The following ATP8A2 variants were observed in gnomAD, a reference collection of about 807,000 sequenced individuals.
ATP8A2 encodes phospholipid-transporting ATPase IB.
Under a neutral mutation model 165.6 loss-of-function variants are expected in ATP8A2, and 100 were observed. The ratio of observed to expected loss-of-function variants is 0.60; its 90% confidence interval spans 0.51 to 0.71. The LOEUF is 0.71. Among genes scored for constraint, ATP8A2 ranks in the 30% least tolerant of loss-of-function variants. ATP8A2 has a pLI of 0.00. For missense variants in ATP8A2, 1,227 were observed against 1,479.5 expected (o/e 0.83, Z 2.80); for synonymous variants, 543 against 548.8 (o/e 0.99, Z 0.15).
Position 25,768,994 on chromosome 13 carries a change from G to C in ATP8A2, c.2385-52G>C, listed in dbSNP as rs115867001. ...ATGCAGCGGAATGTAGATTACAGCT[G>C]TTTCCTCTGGAAAGACATGCATAGC... On this transcript the variant is annotated intron_variant, in intron 25 of 36. Coordinates refer to ENST00000381655, the MANE Select transcript of ATP8A2 (RefSeq NM_016529.6). The C allele has an allele frequency of 9.4e-4, 1,455 of 1,548,390 alleles. 15 individuals carry two copies. In the African/African-American group the frequency reaches 0.017, roughly 18 times the overall value.
intron 13 of ATP8A2, among the ~76,000 whole-genome samples, chr13:25,557,846 A>G (rs2039025870): frequency 6.6e-6 from 1 of 152,218 alleles, no homozygotes; most frequent in African/African-American, 2.4e-5. Flanking sequence ...ATAAGTTAAA[A>G]TTTAGTAGGC....
intron 10 of ATP8A2, among the ~76,000 whole-genome samples, chr13:25,545,037 C>T (rs1367823511): frequency 1.3e-5 from 2 of 151,556 alleles, no homozygotes; most frequent in Non-Finnish European, 2.9e-5. Flanking sequence ...ACTGGCGCAC[C>T]GTCTGCTTGG....
At chr13:25,602,959 C>T (rs1307312073) in intron 24 of ATP8A2, among the ~76,000 whole-genome samples, 1 of 152,056 alleles carries the variant, frequency 6.6e-6, no homozygotes, top group Non-Finnish European at 1.5e-5. Context: ...GTAGTCCCAA[C>T]TACTTGGGAG....
intron 2 of ATP8A2, among the ~76,000 whole-genome samples, chr13:25,519,813 T>C (rs1017308160): frequency 6.6e-6 from 1 of 152,160 alleles, no homozygotes. Context: ...GTGAATAAAC[T>C]ATCCTGTTGG....
chr13:25,918,752 C>A (rs1954343317), intron 33 of ATP8A2, among the ~76,000 whole-genome samples: 1 of 152,148 alleles, frequency 6.6e-6, no homozygotes. Context: ...CACTTGTCTC[C>A]CATCCCTCCC....
intron 25 of ATP8A2, among the ~76,000 whole-genome samples, chr13:25,762,700 CT>C (rs1470722138): frequency 6.6e-6 from 1 of 151,990 alleles, no homozygotes; most frequent in African/African-American, 2.4e-5. Context: ...CTGTACAAAT[CT>C]TAAATTAGAC....
At chr13:25,619,558 A>G (rs918221437) in intron 24 of ATP8A2, among the ~76,000 whole-genome samples, 1 of 152,230 alleles carries the variant, frequency 6.6e-6, no homozygotes, top group Admixed American at 6.5e-5. Context: ...CCCTAGGGAT[A>G]TCTGTGGAGA....
rs377366730 is a variant in ATP8A2, at chr13:25,706,771, G to A, written c.2384+7426G>A. ...TTCCAGAGAGCATTATTAACTTGTC[G>A]AGGCTGTAAGTCTATCCTTGGGCTG... On this transcript the variant is annotated intron_variant, in intron 25 of 36. Coordinates refer to ENST00000381655, the MANE Select transcript of ATP8A2 (RefSeq NM_016529.6). Among the ~76,000 whole-genome samples the A allele has an allele frequency of 2.3e-4, 35 of 152,160 alleles. No homozygotes were observed. In the South Asian group the frequency reaches 6.6e-3, roughly 29 times the overall value.
chr13:25,554,007 C>A (rs2038902718), intron 12 of ATP8A2, 87 bp downstream of exon 12: 1 of 1,394,822 alleles, frequency 7.2e-7, no homozygotes, highest in Non-Finnish European at 9.9e-7. Flanking sequence ...AAAAGAAGAA[C>A]TATATTCATT....
chr13:25,994,209 CTT>C (rs1477172995), intron 35 of ATP8A2, among the ~76,000 whole-genome samples: 1 of 151,902 alleles, frequency 6.6e-6, no homozygotes, highest in East Asian at 1.9e-4. Context: ...GATGAACTGA[CTT>C]ATTAGTACTA....
At chr13:25,461,096 T>G (rs1242939478) in intron 1 of ATP8A2, among the ~76,000 whole-genome samples, 1 of 152,242 alleles carries the variant, frequency 6.6e-6, no homozygotes, top group African/African-American at 2.4e-5. Flanking sequence ...TTCTCTGATC[T>G]GAAACAAAGA....
At chr13:25,921,027 G>A (rs149937671) in intron 33 of ATP8A2, among the ~76,000 whole-genome samples, 2,698 of 152,172 alleles carry the variant, frequency 0.018, 93 homozygotes, top group African/African-American at 0.061. Flanking sequence ...CCAAGATCAT[G>A]CCACTGCACT....
chr13:25,955,761 C>A (rs1319643930), intron 33 of ATP8A2, among the ~76,000 whole-genome samples: 1 of 152,182 alleles, frequency 6.6e-6, no homozygotes, highest in Admixed American at 6.5e-5. Context: ...AGGGACGCCT[C>A]CCTAAATCAT....
intron 1 of ATP8A2, among the ~76,000 whole-genome samples, chr13:25,393,402 C>T (rs900261968): frequency 6.6e-6 from 1 of 151,858 alleles, no homozygotes; most frequent in African/African-American, 2.4e-5. Context: ...CTCACCCAAC[C>T]TATTTACATA....
chr13:25,777,435 T>C (rs1269191974), intron 27 of ATP8A2, among the ~76,000 whole-genome samples: 7 of 152,264 alleles, frequency 4.6e-5, no homozygotes, highest in Non-Finnish European at 1.0e-4. Flanking sequence ...GTAAGTTGAT[T>C]TGCTTATTTG....
At chr13:25,414,039 G>A (rs1276040901) in intron 1 of ATP8A2, among the ~76,000 whole-genome samples, 1 of 152,000 alleles carries the variant, frequency 6.6e-6, no homozygotes, top group Admixed American at 6.6e-5. Flanking sequence ...TAGAACCATG[G>A]AGGAACCTTG....
intron 24 of ATP8A2, among the ~76,000 whole-genome samples, chr13:25,620,816 T>C (rs890934562): frequency 6.6e-6 from 1 of 152,240 alleles, no homozygotes; most frequent in African/African-American, 2.4e-5. Flanking sequence ...AGCTTGCTGC[T>C]TGATTCTTGT....
intron 30 of ATP8A2, among the ~76,000 whole-genome samples, chr13:25,859,105 A>T (rs1177897618): frequency 6.6e-6 from 1 of 152,106 alleles, no homozygotes; most frequent in Admixed American, 6.6e-5. Flanking sequence ...TGGGAGGCTG[A>T]GGCAGAGAAT....
intron 28 of ATP8A2, among the ~76,000 whole-genome samples, chr13:25,831,093 TG>T (rs1436275936): frequency 6.6e-6 from 1 of 152,206 alleles, no homozygotes; most frequent in Non-Finnish European, 1.5e-5. Context: ...TCTTCTGGGC[TG>T]GGTTCTCCGC....
Sources: allele counts gnomAD v4.1 joint callset (sites outside exome capture counted in the v4.1 genomes callset), GRCh38; gene constraint gnomAD v4.1.1; transcripts MANE v1.5; gene names NCBI Gene and HGNC (gene_info 2026-07-23, HGNC 2026-07-21).